The following CPS1 variants were observed in gnomAD, a reference collection of about 807,000 sequenced individuals.
CPS1 encodes carbamoyl-phosphate synthase [ammonia], mitochondrial.
Under a neutral mutation model 174.6 loss-of-function variants are expected in CPS1, and 109 were observed. The observed-to-expected ratio is 0.62, with a 90% confidence interval of 0.53 to 0.73. CPS1 has a LOEUF of 0.73. Among genes scored for constraint, CPS1 ranks in the 30% least tolerant of loss-of-function variants. The pLI is 0.00. For synonymous variants in CPS1, 637 were observed against 632.0 expected (o/e 1.01, Z -0.12); for missense variants, 1,689 against 1,821.9 (o/e 0.93, Z 1.33).
chr2:210,666,964 G>T (rs1473691416), intron 33 of CPS1, among the ~76,000 whole-genome samples: 4 of 152,160 alleles, frequency 2.6e-5, no homozygotes, highest in African/African-American at 9.7e-5. Flanking sequence ...CATGAGCATG[G>T]AATGTTCTTC....
upstream of CPS1, among the ~76,000 whole-genome samples, chr2:210,554,990 A>G (rs149388913): frequency 6.8e-4 from 104 of 151,918 alleles, no homozygotes; most frequent in African/African-American, 2.4e-3. Context: ...TTCTCCTCCA[A>G]TTCATTTTTC....
chr2:210,554,121 GTA>G (rs1191625131), upstream of CPS1, among the ~76,000 whole-genome samples: 1 of 135,926 alleles, frequency 7.4e-6, no homozygotes, highest in African/African-American at 2.7e-5. Context: ...ATATATGTAT[GTA>G]TATATACATA....
intron 21 of CPS1, 81 bp downstream of exon 21, chr2:210,616,622 G>A (rs1699318111): frequency 1.1e-6 from 1 of 885,332 alleles, no homozygotes; most frequent in Admixed American, 1.7e-5. Context: ...TTAAGCATTT[G>A]GTCTACATTG....
Position 210,654,044 on chromosome 2 carries a change from C to CA in CPS1, c.3504dup (p.Phe1169IlefsTer3). The stretch of plus-strand genomic sequence containing the variant: ...TGACAGGAGCACCCAGTGGTGCTGA[C>CA]AAAATTTGTTGAAGGGGCCCGAGAA... On this transcript the variant is annotated frameshift_variant, in exon 29 of 38. Transcript: ENST00000233072. LOFTEE classifies it high-confidence loss of function. 2 of 1,613,992 alleles carry CA rather than the reference C, an allele frequency of 1.2e-6. No homozygotes were observed. Among genetic ancestry groups the CA allele is most frequent in the Non-Finnish European group, 1.7e-6 (2 of 1,179,882 alleles).
At chr2:210,512,562 T>C (rs974326947) in intron 1 of CPS1, among the ~76,000 whole-genome samples, 1 of 151,522 alleles carries the variant, frequency 6.6e-6, no homozygotes, top group Non-Finnish European at 1.5e-5. Flanking sequence ...CTGTGTAATA[T>C]TCTATGGTAT....
chr2:210,594,678 A>G lies in CPS1; in HGVS notation c.1263+72A>G, dbSNP rs1698425269. The G allele has an allele frequency of 1.6e-5, 16 of 1,001,736 alleles. No individual in the cohort carries two copies. In the South Asian group the frequency reaches 2.1e-4, roughly 13 times the overall value. 62.1% of individuals were successfully genotyped at this position (1,001,736 alleles called of 1,614,324 possible). On this transcript the variant is annotated intron_variant, in intron 12 of 37. Coordinates refer to ENST00000233072, the MANE Select transcript of CPS1 (RefSeq NM_001875.5). ...TATCACATGAAGATTTTTAAAAACT[A>G]AGTGATGTAAGGCATACTAGTGTTT... is the stretch of plus-strand genomic sequence containing the variant.
chr2:210,538,773 C>T (rs1696324805), intron 1 of CPS1, among the ~76,000 whole-genome samples: 1 of 151,816 alleles, frequency 6.6e-6, no homozygotes, highest in Non-Finnish European at 1.5e-5. Context: ...TTTAGATGAC[C>T]AATTTTAGCT....
chr2:210,676,144 A>G (rs1056698992), intron 36 of CPS1, among the ~76,000 whole-genome samples: 69 of 152,356 alleles, frequency 4.5e-4, no homozygotes, highest in Non-Finnish European at 9.0e-4. Context: ...TATATTGTGT[A>G]TAGATAAGTA....
rs761974037 is a variant in CPS1 at position 210,590,904 on chromosome 2, C to G, written c.945C>G (p.Asn315Lys). 1 of 1,610,096 alleles carries G rather than the reference C, an allele frequency of 6.2e-7. No homozygotes were observed. Among genetic ancestry groups the G allele is most frequent in the Non-Finnish European group, 8.5e-7 (1 of 1,177,424 alleles). The change falls in exon 9 of 38, where the codon AAC (asparagine) becomes AAG (lysine). Residue 315 changes from asparagine (N) to lysine (K), a missense_variant and splice_region_variant. Coordinates refer to ENST00000233072, the MANE Select transcript of CPS1 (RefSeq NM_001875.5). ...GAKTYKMSMA[N>K]RGQNQPVLNI... is the part of the protein sequence containing the mutation. The stretch of plus-strand genomic sequence containing the variant: ...AAACCTACAAGATGTCCATGGCCAA[C>G]AGGTGAGGTATTTTCACTTTTGCTT...
intron 5 of CPS1, among the ~76,000 whole-genome samples, chr2:210,580,113 T>C (rs776395907): frequency 9.9e-5 from 15 of 152,248 alleles, no homozygotes; most frequent in Middle Eastern, 6.8e-3. Flanking sequence ...AGGTAACAAA[T>C]TGCATAACAA....
chr2:210,629,366 G>A (rs1431174217), intron 21 of CPS1, among the ~76,000 whole-genome samples: 1 of 151,868 alleles, frequency 6.6e-6, no homozygotes, highest in Non-Finnish European at 1.5e-5. Context: ...CCAGGCTGGA[G>A]TGCAGTGGCG....
At chr2:210,669,719 G>C (rs561511009) in intron 34 of CPS1, among the ~76,000 whole-genome samples, 1 of 152,256 alleles carries the variant, frequency 6.6e-6, no homozygotes, top group East Asian at 1.9e-4. Flanking sequence ...CACACCATAT[G>C]ATAGACTCAT....
At chr2:210,588,250 G>A in intron 7 of CPS1, 103 bp downstream of exon 7, 1 of 965,254 alleles carries the variant, frequency 1.0e-6, no homozygotes, top group Non-Finnish European at 1.7e-6. Flanking sequence ...CTTTCAGAAT[G>A]TCAGGGGTCT....
At chr2:210,635,590 T>G (rs1410122539) in intron 21 of CPS1, among the ~76,000 whole-genome samples, 1 of 152,160 alleles carries the variant, frequency 6.6e-6, no homozygotes, top group African/African-American at 2.4e-5. Flanking sequence ...GTTTTTCAAT[T>G]TAAATAACCA....
chr2:210,494,448 C>T (rs538816542), intron 1 of CPS1, among the ~76,000 whole-genome samples: 13 of 152,170 alleles, frequency 8.5e-5, no homozygotes, highest in African/African-American at 2.4e-4. Flanking sequence ...TCTTATAACT[C>T]GTACCAAGGG....
At chr2:210,489,678 T>A (rs889011367) in intron 1 of CPS1, among the ~76,000 whole-genome samples, 30 of 152,086 alleles carry the variant, frequency 2.0e-4, no homozygotes, top group Admixed American at 1.4e-3. Flanking sequence ...GAGGCAGAGC[T>A]ACAAACAAGC....
chr2:210,518,704 T>C (rs1217883325), intron 1 of CPS1, among the ~76,000 whole-genome samples: 2 of 151,974 alleles, frequency 1.3e-5, no homozygotes, highest in Non-Finnish European at 2.9e-5. Flanking sequence ...TTCTAACTTA[T>C]TAAGCTTCGG....
intron 1 of CPS1, among the ~76,000 whole-genome samples, chr2:210,545,761 A>G (rs1424733481): frequency 1.3e-5 from 2 of 152,120 alleles, no homozygotes; most frequent in Admixed American, 6.6e-5. Context: ...TAATTTGCTC[A>G]GTGTTGATCA....
At chr2:210,663,931 C>G (rs1171862972) in intron 33 of CPS1, among the ~76,000 whole-genome samples, 2 of 152,036 alleles carry the variant, frequency 1.3e-5, no homozygotes, top group Non-Finnish European at 2.9e-5. Context: ...TGTGAGCCAT[C>G]ATTGTTTCCT....
Sources: gnomAD v4.1 joint callset for allele counts (sites outside exome capture counted in the v4.1 genomes callset) on GRCh38, gnomAD v4.1.1 for gene constraint, MANE v1.5 for transcripts, NCBI Gene and HGNC (gene_info 2026-07-23, HGNC 2026-07-21) for gene names.